COX7B2: variants seen among roughly 807,000 people sequenced by gnomAD.
COX7B2 encodes cytochrome c oxidase subunit 7B2, also known as cytochrome c oxidase subunit 7B2, mitochondrial.
For missense variants in COX7B2, 109 were observed against 95.9 expected (o/e 1.14, Z -0.57); for synonymous variants, 37 against 32.1 (o/e 1.15, Z -0.51).
chr4:46,799,317 T>C (rs548765536), intron 2 of COX7B2, among the ~76,000 whole-genome samples: 4 of 152,132 alleles, frequency 2.6e-5, no homozygotes, highest in East Asian at 1.9e-4. Context: ...AGAGAGATAG[T>C]TTGACTTTTC....
chr4:46,851,890 A>G (rs1716714908), intron 1 of COX7B2, among the ~76,000 whole-genome samples: 1 of 152,126 alleles, frequency 6.6e-6, no homozygotes, highest in African/African-American at 2.4e-5. Flanking sequence ...TCTTATTCCA[A>G]ATGATGTTTA....
At chr4:46,841,995 A>T (rs983812340) in intron 2 of COX7B2, among the ~76,000 whole-genome samples, 3 of 152,032 alleles carry the variant, frequency 2.0e-5, no homozygotes, top group African/African-American at 7.2e-5. Flanking sequence ...GAAACAAAAA[A>T]CACAAAATAA....
At chr4:46,813,390 T>C (rs1339804759) in intron 2 of COX7B2, among the ~76,000 whole-genome samples, 1 of 152,088 alleles carries the variant, frequency 6.6e-6, no homozygotes, top group Admixed American at 6.6e-5. Flanking sequence ...GACAAAGATG[T>C]TATATGGAAC....
chr4:46,750,406 A>G (rs1715296954), intron 2 of COX7B2, among the ~76,000 whole-genome samples: 2 of 152,132 alleles, frequency 1.3e-5, no homozygotes. Context: ...ACAAAAACAA[A>G]AACAAATAAA....
chr4:46,849,204 C>A (rs923908901), intron 1 of COX7B2, among the ~76,000 whole-genome samples: 1 of 152,120 alleles, frequency 6.6e-6, no homozygotes, highest in African/African-American at 2.4e-5. Context: ...AACTCTGCCC[C>A]TTGCGCCATC....
chr4:46,773,576 A>T lies in COX7B2; in HGVS notation c.-49-38335T>A, dbSNP rs529160154. Among the ~76,000 whole-genome samples, 67 of 152,292 alleles carry T rather than the reference A, an allele frequency of 4.4e-4. No homozygotes were observed. The South Asian group carries it at 0.014, about 31-fold the overall frequency. On this transcript the variant is annotated intron_variant, in intron 2 of 2. Coordinates refer to ENST00000355591, the MANE Select transcript of COX7B2 (RefSeq NM_130902.3). ...AAGGAAAATGCATAGTATAAGCATGATAAAAAATAAGAACTGACACTAAAG... is the reference window on the plus strand; with the variant it reads ...AAGGAAAATGCATAGTATAAGCATGTTAAAAAATAAGAACTGACACTAAAG...
intron 2 of COX7B2, among the ~76,000 whole-genome samples, chr4:46,738,587 T>G (rs1273750204): frequency 2.0e-5 from 3 of 152,126 alleles, no homozygotes; most frequent in East Asian, 3.8e-4. Context: ...TCAAGGAATT[T>G]TCCATATTGT....
chr4:46,867,373 T>C (rs1207040278), intron 1 of COX7B2, among the ~76,000 whole-genome samples: 1 of 152,236 alleles, frequency 6.6e-6, no homozygotes, highest in East Asian at 1.9e-4. Context: ...CCTGACCAGA[T>C]GAAATCAAGA....
At chr4:46,746,429 T>C (rs1010533836) in intron 2 of COX7B2, among the ~76,000 whole-genome samples, 57 of 152,314 alleles carry the variant, frequency 3.7e-4, no homozygotes, top group African/African-American at 1.4e-3. Context: ...TGCCCTCCTC[T>C]AGAATCAGGG....
chr4:46,804,747 C>G (rs992277316), intron 2 of COX7B2, among the ~76,000 whole-genome samples: 4 of 152,238 alleles, frequency 2.6e-5, no homozygotes, highest in South Asian at 4.1e-4. Flanking sequence ...CCACCAGACT[C>G]AGGAGCCCAG....
chr4:46,791,796 C>T (rs1297448743), intron 2 of COX7B2, among the ~76,000 whole-genome samples: 1 of 152,154 alleles, frequency 6.6e-6, no homozygotes, highest in Non-Finnish European at 1.5e-5. Flanking sequence ...TTCCATAGGA[C>T]ACTGAAAAAA....
chr4:46,791,714 C>A (rs1289725586), intron 2 of COX7B2, among the ~76,000 whole-genome samples: 1 of 152,154 alleles, frequency 6.6e-6, no homozygotes, highest in Non-Finnish European at 1.5e-5. Flanking sequence ...AAAAGAACAA[C>A]AAGTTTTGAA....
At chr4:46,869,127 C>T (rs1717841025) in intron 1 of COX7B2, among the ~76,000 whole-genome samples, 1 of 152,074 alleles carries the variant, frequency 6.6e-6, no homozygotes, top group East Asian at 1.9e-4. Context: ...TTATGTAATG[C>T]CTTTCTTTGT....
At chr4:46,807,276 G>C (rs556718604) in intron 2 of COX7B2, among the ~76,000 whole-genome samples, 59 of 151,836 alleles carry the variant, frequency 3.9e-4, no homozygotes, top group African/African-American at 1.4e-3. Context: ...ATTATGTTGA[G>C]CACTTTTCAT....
At chr4:46,846,290 T>C (rs1412630377) in intron 1 of COX7B2, among the ~76,000 whole-genome samples, 1 of 152,012 alleles carries the variant, frequency 6.6e-6, no homozygotes, top group Non-Finnish European at 1.5e-5. Context: ...GCGATCTGTG[T>C]CCTCATGAAA....
In COX7B2 at chr4:46,812,298, CTT is replaced by C. The variant is rs1577594821; in HGVS notation, c.-50+32660_-50+32661del. Reference sequence around the variant, plus strand: ...ATCTCTCTGAGGCACATCCCAGTAGCTTTGTCCCAGGAGCTTGGATGTAGCTA... The same window carrying C: ...ATCTCTCTGAGGCACATCCCAGTAGCTGTCCCAGGAGCTTGGATGTAGCTA... On this transcript the variant is annotated intron_variant, in intron 2 of 2. Transcript: ENST00000355591. Among the ~76,000 whole-genome samples, 5 of 152,082 alleles carry C rather than the reference CTT, an allele frequency of 3.3e-5. No individual in the cohort carries two copies. The East Asian group carries it at 9.7e-4, about 29-fold the overall frequency.
At chr4:46,821,929 T>C (rs1301776427) in intron 2 of COX7B2, among the ~76,000 whole-genome samples, 1 of 152,112 alleles carries the variant, frequency 6.6e-6, no homozygotes, top group African/African-American at 2.4e-5. Flanking sequence ...TTTGTTTGTT[T>C]TGAGACGGAG....
chr4:46,768,311 A>G (rs943377746), intron 2 of COX7B2, among the ~76,000 whole-genome samples: 2 of 152,198 alleles, frequency 1.3e-5, no homozygotes, highest in African/African-American at 4.8e-5. Context: ...CCTGGAGTTC[A>G]GCCGTCCCCA....
intron 2 of COX7B2, among the ~76,000 whole-genome samples, chr4:46,780,509 T>C (rs924102192): frequency 2.6e-5 from 4 of 152,140 alleles, no homozygotes; most frequent in Non-Finnish European, 5.9e-5. Context: ...AGAGAGAGAC[T>C]ACGTCTCAAA....
Sources: allele counts gnomAD v4.1 joint callset (sites outside exome capture counted in the v4.1 genomes callset), GRCh38; gene constraint gnomAD v4.1.1; transcripts MANE v1.5; gene names NCBI Gene and HGNC (gene_info 2026-07-23, HGNC 2026-07-21).